Variants in NFIA observed in about 807,000 individuals in gnomAD.
The protein encoded by NFIA is nuclear factor 1 A-type.
Under a neutral mutation model 62.8 loss-of-function variants are expected in NFIA, and 8 were observed. That is an observed-to-expected ratio of 0.13 (90% confidence interval 0.07 to 0.23). The LOEUF is 0.23. Among genes scored for constraint, NFIA ranks in the 10% least tolerant of loss-of-function variants. The probability of loss-of-function intolerance (pLI) is 1.00; values close to 1 mark genes in which losing one functional copy is unlikely to be tolerated. For synonymous variants in NFIA, 235 were observed against 238.1 expected (o/e 0.99, Z 0.12); for missense variants, 410 against 642.1 (o/e 0.64, Z 3.91).
intron 2 of NFIA, among the ~76,000 whole-genome samples, chr1:61,255,579 G>A (rs930889601): frequency 6.6e-6 from 1 of 152,178 alleles, no homozygotes; most frequent in African/African-American, 2.4e-5. Flanking sequence ...TGGGTAAACT[G>A]TTTGAAATGT....
intron 2 of NFIA, among the ~76,000 whole-genome samples, chr1:61,118,301 A>G (rs1646827423): frequency 6.6e-6 from 1 of 152,196 alleles, no homozygotes; most frequent in African/African-American, 2.4e-5. Flanking sequence ...AATGGAGAAA[A>G]TAATTCTATA....
At position 61,149,509 on chromosome 1, in the gene NFIA, A is replaced by G. The variant is rs187715568; in HGVS notation, c.559+60829A>G. 6.6e-5 allele frequency among the ~76,000 whole-genome samples: 10 copies of G among 152,282 alleles called. No individual in the cohort carries two copies. In the East Asian group the frequency reaches 1.7e-3, roughly 26 times the overall value. On this transcript the variant is annotated intron_variant, in intron 2 of 10. Coordinates refer to ENST00000403491, the MANE Select transcript of NFIA (RefSeq NM_001134673.4). ...GAGACTGTATGCCTTTCATGTTTGC[A>G]AAAATGTAAACCAGAAGAGCCAGTT...
chr1:61,126,145 T>G (rs1228774921), intron 2 of NFIA, among the ~76,000 whole-genome samples: 1 of 152,172 alleles, frequency 6.6e-6, no homozygotes, highest in African/African-American at 2.4e-5. Context: ...AAATCTGAAA[T>G]TAGAACCTAG....
intron 2 of NFIA, among the ~76,000 whole-genome samples, chr1:61,231,099 T>A (rs765563220): frequency 2.6e-5 from 4 of 152,312 alleles, no homozygotes; most frequent in Admixed American, 6.5e-5. Flanking sequence ...ATCTCTAGCA[T>A]GTAGCTCAGT....
chr1:61,213,911 G>A (rs1293918274), intron 2 of NFIA, among the ~76,000 whole-genome samples: 1 of 152,196 alleles, frequency 6.6e-6, no homozygotes, highest in Non-Finnish European at 1.5e-5. Context: ...CCAGGCGTGT[G>A]TTGGCTCGTG....
rs568290767 is a variant in NFIA at position 61,327,941 on chromosome 1, A to C, written c.626-4571A>C. On this transcript the variant is annotated intron_variant, in intron 3 of 10. Transcript: ENST00000403491. The stretch of plus-strand genomic sequence containing the variant: ...ATCTATTATTTTTTTTTTACTTTTT[A>C]TTAATGGCCATTCTTGTAGAAGTAA... 5.3e-5 allele frequency among the ~76,000 whole-genome samples: 8 copies of C among 151,924 alleles called. No individual in the cohort carries two copies. The South Asian group carries it at 1.7e-3, about 32-fold the overall frequency.
At chr1:61,272,465 A>G (rs1361178160) in intron 2 of NFIA, among the ~76,000 whole-genome samples, 2 of 152,214 alleles carry the variant, frequency 1.3e-5, no homozygotes, top group Admixed American at 1.3e-4. Flanking sequence ...TCGTTAATGT[A>G]ATAAACTTAT....
rs1168707730 is a variant in NFIA at position 61,404,240 on chromosome 1, C to T, written c.1212C>T (p.Cys404=). The T allele has an allele frequency of 1.9e-6, 3 of 1,614,042 alleles. No homozygotes were observed. The highest frequency in any genetic ancestry group is 2.5e-6 in the Non-Finnish European group (3 of 1,180,030). The change falls in exon 8 of 11, where the codon TGC becomes TGT. Residue 404 remains cysteine (C), a synonymous_variant. Transcript: ENST00000403491. ...ETLKEFVQLV[C]PDAGQQAGQV... is the part of the protein sequence containing the mutation. ...TGAAAGAATTTGTCCAACTTGTCTG[C>T]CCTGATGCTGGTCAGCAGGCTGGAC... is the stretch of plus-strand genomic sequence containing the variant.
chr1:61,354,848 C>T (rs533310369), intron 5 of NFIA, among the ~76,000 whole-genome samples: 10 of 152,234 alleles, frequency 6.6e-5, no homozygotes, highest in African/African-American at 2.2e-4. Flanking sequence ...GTCCCTTGAA[C>T]GACAGCGTCT....
chr1:61,446,208 C>G (rs1667802561), intron 10 of NFIA, among the ~76,000 whole-genome samples: 1 of 152,192 alleles, frequency 6.6e-6, no homozygotes, highest in African/African-American at 2.4e-5. Context: ...CAGTCCAGTG[C>G]TTAACTATCT....
chr1:61,137,544 A>G (rs181818921), intron 2 of NFIA, among the ~76,000 whole-genome samples: 122 of 152,186 alleles, frequency 8.0e-4, no homozygotes, highest in African/African-American at 2.7e-3. Context: ...TCTAAATAAA[A>G]CTATTTTGTG....
chr1:61,082,697 T>TTCCTCTCTCC lies in NFIA; in HGVS notation c.-94_-85dup. 6.5e-7 allele frequency: 1 copy of TTCCTCTCTCC among 1,533,252 alleles called. No individual in the cohort carries two copies. Among genetic ancestry groups the TTCCTCTCTCC allele is most frequent in the Non-Finnish European group, 8.8e-7 (1 of 1,135,680 alleles). 95.0% of individuals were successfully genotyped at this position (1,533,252 alleles called of 1,614,324 possible). A position where few individuals can be genotyped will look rare whatever the true frequency, so the allele number is the denominator to read the frequency against. On this transcript the variant is annotated 5_prime_UTR_variant, in exon 1 of 11. Coordinates refer to ENST00000403491, the MANE Select transcript of NFIA (RefSeq NM_001134673.4). ...TTCTCTCTCTCTCTCTCTCTCTCTCTTCCTCTCTCCCTCTTTCTCCTCTCT... is the reference window on the plus strand; with the variant it reads ...TTCTCTCTCTCTCTCTCTCTCTCTCTTCCTCTCTCCTCCTCTCTCCCTCTTTCTCCTCTCT...
At chr1:61,122,697 G>A (rs1433754869) in intron 2 of NFIA, among the ~76,000 whole-genome samples, 1 of 152,202 alleles carries the variant, frequency 6.6e-6, no homozygotes, top group South Asian at 2.1e-4. Context: ...AAACCAATGT[G>A]TGGACTGTGT....
chr1:61,267,344 A>G (rs113607287), intron 2 of NFIA, among the ~76,000 whole-genome samples: 1 of 152,098 alleles, frequency 6.6e-6, no homozygotes, highest in Non-Finnish European at 1.5e-5. Flanking sequence ...CCCTGTCTCT[A>G]CCAAAAAACA....
intron 2 of NFIA, among the ~76,000 whole-genome samples, chr1:61,141,420 G>GAA (rs34815282): frequency 7.2e-5 from 11 of 151,758 alleles, no homozygotes; most frequent in South Asian, 2.1e-4. Context: ...TACTCAGGGG[G>GAA]AAAAAAAACC....
chr1:61,335,490 A>G (rs1000100616), intron 4 of NFIA, among the ~76,000 whole-genome samples: 3 of 152,132 alleles, frequency 2.0e-5, no homozygotes, highest in Non-Finnish European at 4.4e-5. Context: ...TTTCAGAACT[A>G]TGGTGGATGC....
chr1:61,295,308 A>G (rs1309259295), intron 3 of NFIA, among the ~76,000 whole-genome samples: 1 of 152,208 alleles, frequency 6.6e-6, no homozygotes, highest in Non-Finnish European at 1.5e-5. Context: ...AAGGGAGGCC[A>G]GAGTAAACTA....
chr1:61,442,182 A>G (rs1295638879), intron 10 of NFIA, among the ~76,000 whole-genome samples: 1 of 152,192 alleles, frequency 6.6e-6, no homozygotes, highest in Non-Finnish European at 1.5e-5. Context: ...AAGGGAGTAC[A>G]GGAGAGAAGC....
intron 10 of NFIA, among the ~76,000 whole-genome samples, chr1:61,432,866 C>T (rs1036626767): frequency 7.9e-5 from 12 of 152,048 alleles, no homozygotes; most frequent in Admixed American, 6.6e-5. Context: ...TTCTACAGCA[C>T]CCGTGCATGC....
Sources: gnomAD v4.1 joint callset for allele counts (sites outside exome capture counted in the v4.1 genomes callset) on GRCh38, gnomAD v4.1.1 for gene constraint, MANE v1.5 for transcripts, NCBI Gene and HGNC (gene_info 2026-07-23, HGNC 2026-07-21) for gene names.